SLC25A53: variants seen among roughly 807,000 people sequenced by gnomAD.
The protein encoded by SLC25A53 is solute carrier family 25 member 53.
A neutral mutation model predicts 15.0 loss-of-function variants in SLC25A53; 5 were observed. The ratio of observed to expected loss-of-function variants is 0.33; its 90% confidence interval spans 0.17 to 0.70. The LOEUF (loss-of-function observed/expected upper bound fraction) is 0.70, where lower values mean the gene tolerates loss of function less well. Ranked by LOEUF, SLC25A53 falls within the 30% of genes least tolerant of loss-of-function variation. The probability of loss-of-function intolerance (pLI) is 0.67; values close to 1 mark genes in which losing one functional copy is unlikely to be tolerated. For synonymous variants in SLC25A53, 95 were observed against 100.0 expected (o/e 0.95, Z 0.30); for missense variants, 216 against 241.6 (o/e 0.89, Z 0.70).
chrX:104,106,305 G>T (rs1230455708), intron 1 of SLC25A53, among the ~76,000 whole-genome samples: 1 of 110,715 alleles, frequency 9.0e-6, no homozygotes, highest in Non-Finnish European at 1.9e-5. Context: ...GGGATCTAAA[G>T]AAAAAAAATG....
intron 1 of SLC25A53, chrX:104,115,357 G>A (rs2075372979): frequency 1.8e-6 from 2 of 1,091,334 alleles, no homozygotes; most frequent in Non-Finnish European, 2.4e-6. Flanking sequence ...GTCCTTGACT[G>A]TATTCAGAGT....
At chrX:104,110,242 C>T (rs1273260034) in intron 1 of SLC25A53, among the ~76,000 whole-genome samples, 15 of 111,499 alleles carry the variant, frequency 1.3e-4, no homozygotes, top group African/African-American at 2.0e-4. Flanking sequence ...TCAGATGTCA[C>T]GGGATGGGGG....
chrX:104,135,412 G>A (rs1302087510), intron 1 of SLC25A53, among the ~76,000 whole-genome samples: 1 of 110,256 alleles, frequency 9.1e-6, no homozygotes, highest in Non-Finnish European at 1.9e-5. Flanking sequence ...AACCGAACTC[G>A]TGTTTCCCAC....
rs376610904 is a variant in SLC25A53 at position 104,105,279 on chromosome X, A to G, written c.-22T>C. ...CCATGCTGAAGACAACTGGGTGCAG[A>G]TGGAAGAAACTGGCAAGGGTGGAAA... On this transcript the variant is annotated 5_prime_UTR_variant, in exon 2 of 2. Coordinates refer to ENST00000594199, the MANE Select transcript of SLC25A53 (RefSeq NM_001012755.5). 847 of 1,162,844 alleles carry G rather than the reference A, an allele frequency of 7.3e-4. No homozygotes were observed. Among genetic ancestry groups the G allele is most frequent in the African/African-American group, 6.3e-3 (350 of 55,617 alleles).
At chrX:104,122,477 T>A (rs1333155002) in intron 1 of SLC25A53, among the ~76,000 whole-genome samples, 1 of 109,447 alleles carries the variant, frequency 9.1e-6, no homozygotes, top group African/African-American at 3.3e-5. Flanking sequence ...CAGCCCCAAC[T>A]ACTTTCCCTT....
intron 1 of SLC25A53, among the ~76,000 whole-genome samples, chrX:104,152,449 T>G (rs1365199230): frequency 1.8e-5 from 2 of 110,108 alleles, no homozygotes; most frequent in Non-Finnish European, 3.8e-5. Context: ...GGTGTATATG[T>G]GCCACATTTT....
intron 1 of SLC25A53, among the ~76,000 whole-genome samples, chrX:104,111,126 G>A (rs1258640033): frequency 8.9e-6 from 1 of 112,434 alleles, no homozygotes; most frequent in African/African-American, 3.2e-5. Context: ...TCAGCATCAC[G>A]TGGTGGTGTT....
chrX:104,113,873 T>C lies in SLC25A53; in HGVS notation c.-31-8585A>G, dbSNP rs1489807079. The C allele has an allele frequency of 1.4e-5, 6 of 425,277 alleles. 1 individual carries two copies. The highest frequency in any genetic ancestry group is 2.4e-5 in the Non-Finnish European group (6 of 254,300). 35.0% of individuals were successfully genotyped at this position (425,277 alleles called of 1,213,427 possible). On this transcript the variant is annotated intron_variant, in intron 1 of 1. Transcript: ENST00000594199. ...TTGCCAGTCTCCTGCAGGGTATTGT[T>C]AAGGCACTGGGCAGATATAAAATGC...
chrX:104,118,922 C>CT (rs1195085360), intron 1 of SLC25A53, among the ~76,000 whole-genome samples: 2 of 112,644 alleles, frequency 1.8e-5, no homozygotes, highest in African/African-American at 6.5e-5. Context: ...GGCCACCTTT[C>CT]TTTCACATCC....
At chrX:104,142,446 A>G (rs2075453361) in intron 1 of SLC25A53, among the ~76,000 whole-genome samples, 1 of 112,159 alleles carries the variant, frequency 8.9e-6, no homozygotes, top group Non-Finnish European at 1.9e-5. Context: ...GCCACGTGTC[A>G]TATGTTAAAC....
rs2075274290 is a variant in SLC25A53 at position 104,100,103 on chromosome X, CTATA to C, written c.*4227_*4230del. On this transcript the variant is annotated 3_prime_UTR_variant, in exon 2 of 2. Coordinates refer to ENST00000594199, the MANE Select transcript of SLC25A53 (RefSeq NM_001012755.5). The stretch of plus-strand genomic sequence containing the variant: ...ATTTTATTAACTTTAATATACTACA[CTATA>C]TATAGTTATCCCAGTAAAATTATAA... 3 of 111,620 alleles carry C rather than the reference CTATA, an allele frequency of 2.7e-5. No individual in the cohort carries two copies. In the South Asian group the frequency reaches 1.1e-3, roughly 42 times the overall value. 9.2% of individuals were successfully genotyped at this position (111,620 alleles called of 1,213,427 possible).
chrX:104,131,469 T>C (rs992818966), intron 1 of SLC25A53, among the ~76,000 whole-genome samples: 1 of 111,462 alleles, frequency 9.0e-6, no homozygotes, highest in South Asian at 3.8e-4. Flanking sequence ...TCCATTGAAA[T>C]TGTAATCTTT....
At chrX:104,142,296 T>C (rs987705724) in intron 1 of SLC25A53, among the ~76,000 whole-genome samples, 7 of 111,926 alleles carry the variant, frequency 6.3e-5, no homozygotes, top group African/African-American at 1.6e-4. Context: ...TCCATACATG[T>C]CATTGGAAAT....
At chrX:104,129,846 A>G (rs1297281569) in intron 1 of SLC25A53, among the ~76,000 whole-genome samples, 6 of 81,470 alleles carry the variant, frequency 7.4e-5, no homozygotes, top group Non-Finnish European at 1.4e-4. Flanking sequence ...ACACATATAT[A>G]TCCACACAAA....
In SLC25A53 at chrX:104,129,895, T is replaced by TGTGTGC. The variant is rs1277787552; in HGVS notation, c.-31-24608_-31-24607insGCACAC. Among the ~76,000 whole-genome samples, 69 of 100,149 alleles carry TGTGTGC rather than the reference T, an allele frequency of 6.9e-4. No homozygotes were observed. The South Asian group carries it at 0.016, about 24-fold the overall frequency. 87.0% of individuals were successfully genotyped at this position (100,149 alleles called of 115,157 possible). Reference sequence around the variant, plus strand: ...GTGTGTGTGTGTGTGTGTGTGTGTGTGCCATTCAAATGATGAGCAGACACT... The same window carrying TGTGTGC: ...GTGTGTGTGTGTGTGTGTGTGTGTGTGTGTGCGCCATTCAAATGATGAGCAGACACT... On this transcript the variant is annotated intron_variant, in intron 1 of 1. Transcript: ENST00000594199.
At chrX:104,149,447 C>T (rs781857222) in intron 1 of SLC25A53, among the ~76,000 whole-genome samples, 4 of 112,501 alleles carry the variant, frequency 3.6e-5, no homozygotes, top group East Asian at 5.6e-4. Flanking sequence ...TTACAGGCTA[C>T]TGGTAAATGT....
At chrX:104,122,787 T>C (rs1354312733) in intron 1 of SLC25A53, among the ~76,000 whole-genome samples, 1 of 111,502 alleles carries the variant, frequency 9.0e-6, no homozygotes, top group African/African-American at 3.3e-5. Flanking sequence ...TATATTTTTA[T>C]TCCAATCTGA....
At chrX:104,114,496 A>C (rs1359633882) in intron 1 of SLC25A53, 1 of 1,209,728 alleles carries the variant, frequency 8.3e-7, no homozygotes, top group African/African-American at 1.8e-5. Context: ...AAGCAGTGTG[A>C]CTGCCCATGG....
At chrX:104,145,675 A>G (rs1401744716) in intron 1 of SLC25A53, among the ~76,000 whole-genome samples, 2 of 112,557 alleles carry the variant, frequency 1.8e-5, no homozygotes, top group Non-Finnish European at 3.8e-5. Context: ...AGAATACTAT[A>G]AACACTTCTA....
Sources: allele counts gnomAD v4.1 joint callset (sites outside exome capture counted in the v4.1 genomes callset), GRCh38; gene constraint gnomAD v4.1.1; transcripts MANE v1.5; gene names NCBI Gene and HGNC (gene_info 2026-07-23, HGNC 2026-07-21).